CNTNAP5: variants seen among roughly 807,000 people sequenced by gnomAD.
CNTNAP5 encodes the protein contactin associated protein family member 5.
CNTNAP5 carries 72 observed loss-of-function variants against 150.2 expected under a neutral mutation model. The observed-to-expected ratio is 0.48, with a 90% CI of 0.40 to 0.58. The LOEUF is 0.58. Ranked by LOEUF, CNTNAP5 falls within the 20% of genes least tolerant of loss-of-function variation. The probability of loss-of-function intolerance (pLI) is 0.00; values close to 1 mark genes in which losing one functional copy is unlikely to be tolerated. For synonymous variants in CNTNAP5, 672 were observed against 619.8 expected, an observed-to-expected ratio of 1.08 and a Z score of -1.25; for missense variants, 1,636 against 1,626.2, an observed-to-expected ratio of 1.01 and a Z score of -0.10.
At chr2:124,617,087 A>G (rs1677508784) in intron 12 of CNTNAP5, among the ~76,000 whole-genome samples, 1 of 151,994 alleles carries the variant, frequency 6.6e-6, no homozygotes, top group African/African-American at 2.4e-5. Context: ...TATAATAACG[A>G]TAATTATAAT....
intron 1 of CNTNAP5, among the ~76,000 whole-genome samples, chr2:124,155,387 G>A (rs1226075115): frequency 6.6e-6 from 1 of 151,850 alleles, no homozygotes; most frequent in Non-Finnish European, 1.5e-5. Flanking sequence ...AACTGAATCC[G>A]TGGTCTGTGT....
At chr2:124,392,687 CAAA>C (rs35107442) in intron 3 of CNTNAP5, among the ~76,000 whole-genome samples, 1,139 of 68,768 alleles carry the variant, frequency 0.017, 11 homozygotes, top group African/African-American at 0.053. Flanking sequence ...TTTTCTTTGC[CAAA>C]AAAAAAAAAA....
At chr2:124,544,734 C>A (rs1558947751) in intron 10 of CNTNAP5, among the ~76,000 whole-genome samples, 3 of 152,158 alleles carry the variant, frequency 2.0e-5, no homozygotes, top group Non-Finnish European at 1.5e-5. Context: ...TCTGCTAGGG[C>A]CAGTACTTGT....
chr2:124,525,974 GT>G (rs1694957288), intron 9 of CNTNAP5, among the ~76,000 whole-genome samples: 1 of 152,194 alleles, frequency 6.6e-6, no homozygotes, highest in Non-Finnish European at 1.5e-5. Context: ...GAACAAGGGT[GT>G]TGGGGTCCGA....
chr2:124,267,841 C>G (rs1226008164), intron 3 of CNTNAP5, among the ~76,000 whole-genome samples: 2 of 152,046 alleles, frequency 1.3e-5, no homozygotes, highest in Non-Finnish European at 2.9e-5. Flanking sequence ...AGTTGAAAAC[C>G]AGGAGCAGAG....
At chr2:124,186,488 T>A (rs59266556) in intron 1 of CNTNAP5, among the ~76,000 whole-genome samples, 2,314 of 152,326 alleles carry the variant, frequency 0.015, 71 homozygotes, top group African/African-American at 0.053. Flanking sequence ...TATAGTTATA[T>A]TTCTAGGTGA....
intron 11 of CNTNAP5, among the ~76,000 whole-genome samples, chr2:124,583,425 C>T (rs745743808): frequency 6.6e-6 from 1 of 152,184 alleles, no homozygotes; most frequent in Non-Finnish European, 1.5e-5. Flanking sequence ...TTTCTGTGGC[C>T]TCTCCAATGC....
intron 1 of CNTNAP5, among the ~76,000 whole-genome samples, chr2:124,114,403 TTA>T (rs1273878451): frequency 6.6e-6 from 1 of 152,030 alleles, no homozygotes; most frequent in Non-Finnish European, 1.5e-5. Flanking sequence ...TGTATCTTAT[TTA>T]AAAATAGGAT....
In CNTNAP5 at chr2:124,866,337, G is replaced by C. The variant is rs181898722; in HGVS notation, c.3348+901G>C. 4.9e-3 allele frequency among the ~76,000 whole-genome samples: 734 copies of C among 151,104 alleles called. 9 individuals are homozygous for C. The highest frequency in any genetic ancestry group is 0.017 in the Middle Eastern group (5 of 290). On this transcript the variant is annotated intron_variant, in intron 20 of 23. Coordinates refer to ENST00000682447, the MANE Select transcript of CNTNAP5 (RefSeq NM_001367498.1). ...TCTATTAAATTGGAGGCTATGGAAG[G>C]GGGAAAGCAGCAGGTGATACTAATG...
chr2:124,800,365 A>G (rs1681941683), intron 19 of CNTNAP5, among the ~76,000 whole-genome samples: 2 of 147,996 alleles, frequency 1.4e-5, no homozygotes, highest in Non-Finnish European at 3.0e-5. Flanking sequence ...ATCAAATTGC[A>G]CACACATATA....
intron 13 of CNTNAP5, among the ~76,000 whole-genome samples, chr2:124,652,082 GTC>G (rs1363730202): frequency 6.6e-6 from 1 of 152,186 alleles, no homozygotes; most frequent in Non-Finnish European, 1.5e-5. Context: ...TTTTATGACA[GTC>G]TCCTTGGATA....
rs1340868774 is a variant in CNTNAP5, at chr2:124,917,574, C to T, written c.*3286C>T. ...GGTGATGTTTTAAAACAACTTTTTT[C>T]CTCTCCTTAGTAATAACAGAGATGG... is the stretch of plus-strand genomic sequence containing the variant. On this transcript the variant is annotated 3_prime_UTR_variant, in exon 24 of 24. Coordinates refer to ENST00000682447, the MANE Select transcript of CNTNAP5 (RefSeq NM_001367498.1). Among the ~76,000 whole-genome samples, 1 of 152,054 alleles carries T rather than the reference C, an allele frequency of 6.6e-6. No homozygotes were observed. The highest frequency in any genetic ancestry group is 1.5e-5 in the Non-Finnish European group (1 of 67,996).
intron 1 of CNTNAP5, among the ~76,000 whole-genome samples, chr2:124,210,796 T>TAAAAA (rs1685987659): frequency 6.6e-6 from 1 of 152,212 alleles, no homozygotes; most frequent in Non-Finnish European, 1.5e-5. Flanking sequence ...TCCTTCTTTT[T>TAAAAA]AAGTTTATAA....
intron 1 of CNTNAP5, among the ~76,000 whole-genome samples, chr2:124,142,882 A>G (rs1684153328): frequency 1.3e-5 from 2 of 150,666 alleles, no homozygotes; most frequent in African/African-American, 5.0e-5. Flanking sequence ...AACAAAATTG[A>G]TAGACCGCTA....
At chr2:124,106,218 A>G (rs188357107) in intron 1 of CNTNAP5, among the ~76,000 whole-genome samples, 3 of 152,338 alleles carry the variant, frequency 2.0e-5, no homozygotes, top group East Asian at 3.9e-4. Flanking sequence ...AAAAAATTAA[A>G]TAAATATGTG....
At chr2:124,269,150 A>G (rs934610157) in intron 3 of CNTNAP5, among the ~76,000 whole-genome samples, 3 of 152,172 alleles carry the variant, frequency 2.0e-5, no homozygotes, top group Non-Finnish European at 4.4e-5. Context: ...TGGGACTCCA[A>G]GCTGATATTT....
At chr2:124,332,769 A>C (rs1042388924) in intron 3 of CNTNAP5, among the ~76,000 whole-genome samples, 1 of 152,098 alleles carries the variant, frequency 6.6e-6, no homozygotes, top group African/African-American at 2.4e-5. Context: ...ACTTGCATTT[A>C]GGTCAAATTC....
intron 22 of CNTNAP5, among the ~76,000 whole-genome samples, chr2:124,905,383 C>A (rs1437834138): frequency 6.6e-6 from 1 of 151,754 alleles, no homozygotes; most frequent in Non-Finnish European, 1.5e-5. Flanking sequence ...AGAGGTTTGT[C>A]AAAATATTAA....
At chr2:124,251,848 G>A (rs75748184) in intron 3 of CNTNAP5, among the ~76,000 whole-genome samples, 1,595 of 152,252 alleles carry the variant, frequency 0.01, 9 homozygotes, top group Admixed American at 0.016. Flanking sequence ...CAATAATTGA[G>A]AGCTAGAGTT....
Sources: gnomAD v4.1 joint callset for allele counts (sites outside exome capture counted in the v4.1 genomes callset) on GRCh38, gnomAD v4.1.1 for gene constraint, MANE v1.5 for transcripts, NCBI Gene and HGNC (gene_info 2026-07-23, HGNC 2026-07-21) for gene names.